ZNF480: variants seen among roughly 807,000 people sequenced by gnomAD.
The protein encoded by ZNF480 is zinc finger protein 480.
A neutral mutation model predicts 14.4 loss-of-function variants in ZNF480; 15 were observed. The ratio of observed to expected loss-of-function variants is 1.04; its 90% CI spans 0.70 to 1.60. The LOEUF is 1.60. Ranked by LOEUF, ZNF480 falls within the 40% of genes most tolerant of loss-of-function variation. ZNF480 has a pLI of 0.00. For synonymous variants in ZNF480, 218 were observed against 215.5 expected (o/e 1.01, Z -0.10); for missense variants, 593 against 629.7 (o/e 0.94, Z 0.62).
rs1012033969 is a variant in ZNF480 at position 52,322,854 on chromosome 19, G to A, written c.1604G>A (p.Gly535Glu). The change falls in exon 5 of 5, where the codon GGA becomes GAA. Residue 535 changes from glycine (G) to glutamate (E), a missense_variant. By Grantham distance (98) the Gly-to-Glu change is moderately conservative. Coordinates refer to ENST00000595962, the MANE Select transcript of ZNF480 (RefSeq NM_144684.4). ...YLAQHWTIHMG is the reference protein window; with the variant it reads ...YLAQHWTIHME ...GCACAACATTGGACAATTCATATGG[G>A]ATAGAAACTACAAATGCAACAAATG... 2.6e-6 allele frequency: 4 copies of A among 1,560,192 alleles called. No individual in the cohort carries two copies. Among genetic ancestry groups the A allele is most frequent in the African/African-American group, 2.7e-5 (2 of 73,638 alleles).
intron 2 of ZNF480, among the ~76,000 whole-genome samples, chr19:52,313,101 G>C (rs897525530): frequency 6.6e-6 from 1 of 151,012 alleles, no homozygotes; most frequent in Non-Finnish European, 1.5e-5. Context: ...GATTACAGGC[G>C]TGAGCCACCG....
At chr19:52,304,472 A>G (rs1481742736) in intron 2 of ZNF480, among the ~76,000 whole-genome samples, 2 of 152,128 alleles carry the variant, frequency 1.3e-5, no homozygotes, top group African/African-American at 4.8e-5. Flanking sequence ...TTCAGTAACT[A>G]AGTCCTCTAA....
At chr19:52,307,060 T>G (rs112488632) in intron 2 of ZNF480, among the ~76,000 whole-genome samples, 16 of 152,298 alleles carry the variant, frequency 1.1e-4, no homozygotes, top group African/African-American at 3.6e-4. Flanking sequence ...CTGATTCCTC[T>G]TCCTTATCAT....
intron 4 of ZNF480, 68 bp from the exon 5 acceptor site, chr19:52,321,511 A>G (rs1983808104): frequency 7.4e-7 from 1 of 1,345,718 alleles, no homozygotes; most frequent in Admixed American, 2.4e-5. Flanking sequence ...AGATTCTAGT[A>G]TTTTCATCAG....
rs143895457 is a variant in ZNF480 at position 52,298,703 on chromosome 19, G to A, written c.-20+1480G>A. ...CAAAGATTGAGCAGAAAGTTTGGAA[G>A]AGGGGTGAAACAAGTTGCCAGAATG... is the stretch of plus-strand genomic sequence containing the variant. On this transcript the variant is annotated intron_variant, in intron 1 of 4. Coordinates refer to ENST00000595962, the MANE Select transcript of ZNF480 (RefSeq NM_144684.4). Among the ~76,000 whole-genome samples, 340 of 151,944 alleles carry A rather than the reference G, an allele frequency of 2.2e-3. 6 individuals carry two copies. The East Asian group carries it at 0.03, about 13-fold the overall frequency.
chr19:52,307,510 A>C (rs1047377157), intron 2 of ZNF480: 1 of 152,202 alleles, frequency 6.6e-6, no homozygotes, highest in Non-Finnish European at 1.5e-5. Flanking sequence ...ACTTGCTCAG[A>C]CCAGCTCGGT....
At chr19:52,320,095 C>T (rs763349632) in intron 4 of ZNF480, among the ~76,000 whole-genome samples, 3 of 151,978 alleles carry the variant, frequency 2.0e-5, no homozygotes, top group Non-Finnish European at 4.4e-5. Flanking sequence ...GGATTACAAG[C>T]GTGAGCCACT....
chr19:52,309,236 A>G (rs1296712083), intron 2 of ZNF480, among the ~76,000 whole-genome samples: 2 of 152,174 alleles, frequency 1.3e-5, no homozygotes, highest in African/African-American at 4.8e-5. Flanking sequence ...GGTTCAGGGA[A>G]GATGCGCTCT....
rs561381624 is a variant in ZNF480 at position 52,316,119 on chromosome 19, C to T, written c.328+157C>T. 1.1e-4 allele frequency among the ~76,000 whole-genome samples: 17 copies of T among 151,966 alleles called. 1 individual carries two copies. Among genetic ancestry groups the T allele is most frequent in the African/African-American group, 2.7e-4 (11 of 41,466 alleles). On this transcript the variant is annotated intron_variant, in intron 4 of 4. Coordinates refer to ENST00000595962, the MANE Select transcript of ZNF480 (RefSeq NM_144684.4). ...ATGAAACAGAGCCTGAGAGACAGAG[C>T]GAGACTCAGTTTCAAATAAATAAAT...
chr19:52,299,667 G>A (rs994727548), intron 1 of ZNF480, among the ~76,000 whole-genome samples: 15 of 152,058 alleles, frequency 9.9e-5, no homozygotes, highest in Non-Finnish European at 1.5e-4. Flanking sequence ...TCAAAAGAAG[G>A]GGCTTTGGGA....
At chr19:52,307,512 C>T (rs1982996933) in intron 2 of ZNF480, 1 of 152,196 alleles carries the variant, frequency 6.6e-6, no homozygotes, top group African/African-American at 2.4e-5. Flanking sequence ...TTGCTCAGAC[C>T]AGCTCGGTCG....
intron 2 of ZNF480, among the ~76,000 whole-genome samples, chr19:52,313,503 G>A (rs1983392762): frequency 6.6e-6 from 1 of 151,746 alleles, no homozygotes; most frequent in South Asian, 2.1e-4. Flanking sequence ...CACTTGTCTT[G>A]TAGTGGTGGT....
intron 4 of ZNF480, among the ~76,000 whole-genome samples, chr19:52,318,078 T>A (rs1037062066): frequency 6.7e-6 from 1 of 149,500 alleles, no homozygotes; most frequent in Admixed American, 6.7e-5. Context: ...TAGGACTTAT[T>A]TATATATTTT....
intron 2 of ZNF480, among the ~76,000 whole-genome samples, chr19:52,312,132 G>T (rs991789415): frequency 5.3e-5 from 8 of 149,930 alleles, no homozygotes; most frequent in Non-Finnish European, 8.9e-5. Context: ...TGGGATACAT[G>T]TGTGTACTCA....
At chr19:52,299,499 G>C (rs1359151302) in intron 1 of ZNF480, among the ~76,000 whole-genome samples, 2 of 152,168 alleles carry the variant, frequency 1.3e-5, no homozygotes, top group African/African-American at 2.4e-5. Flanking sequence ...TCTAAAAATT[G>C]AAGATTCCCT....
intron 4 of ZNF480, among the ~76,000 whole-genome samples, chr19:52,319,111 G>A (rs986800993): frequency 1.7e-4 from 26 of 152,028 alleles, no homozygotes; most frequent in Admixed American, 1.1e-3. Context: ...CAATCTGCCC[G>A]CCTCGGCCTC....
chr19:52,324,843 AG>A lies in ZNF480; in HGVS notation c.*1987del, dbSNP rs1162007601. The stretch of plus-strand genomic sequence containing the variant: ...GTATTAAATTCCTAGAAGAAAACCC[AG>A]GAAATGCCATTCTGGACATAAGTGC... On this transcript the variant is annotated 3_prime_UTR_variant, in exon 5 of 5. Transcript: ENST00000595962. 6.6e-6 allele frequency: 1 copy of A among 152,220 alleles called. No homozygotes were observed. The highest frequency in any genetic ancestry group is 1.5e-5 in the Non-Finnish European group (1 of 68,034). The allele number at this position is 152,220 out of a possible 1,614,324, so 9.4% of individuals were successfully genotyped here.
At chr19:52,313,903 C>G (rs1983412776) in intron 2 of ZNF480, 1 of 383,690 alleles carries the variant, frequency 2.6e-6, no homozygotes, top group South Asian at 1.9e-5. Context: ...TGATTGAACC[C>G]AGGAGGCGGA....
At chr19:52,305,106 CAAA>C (rs1982868103) in intron 2 of ZNF480, among the ~76,000 whole-genome samples, 2 of 151,754 alleles carry the variant, frequency 1.3e-5, no homozygotes. Context: ...CTCAAAAAAA[CAAA>C]AAACAAAAAA....
Sources: gnomAD v4.1 joint callset for allele counts (sites outside exome capture counted in the v4.1 genomes callset) on GRCh38, gnomAD v4.1.1 for gene constraint, MANE v1.5 for transcripts, NCBI Gene and HGNC (gene_info 2026-07-23, HGNC 2026-07-21) for gene names.